Variants in ADCK1 observed in about 807,000 individuals in gnomAD.
ADCK1 encodes the protein aarF domain containing kinase 1, also known as aarF domain-containing protein kinase 1.
ADCK1 carries 41 observed loss-of-function variants against 52.3 expected under a neutral mutation model. The ratio of observed to expected loss-of-function variants is 0.78; its 90% confidence interval spans 0.61 to 1.02. The LOEUF (loss-of-function observed/expected upper bound fraction) is 1.02, where lower values mean the gene tolerates loss of function less well. Ranked by LOEUF, ADCK1 falls within the 50% of genes least tolerant of loss-of-function variation. The pLI is 0.00. For missense variants in ADCK1, 658 were observed against 679.5 expected (o/e 0.97, Z 0.35); for synonymous variants, 250 against 274.6 (o/e 0.91, Z 0.89).
At chr14:77,870,763 T>C (rs2082759643) in intron 4 of ADCK1, among the ~76,000 whole-genome samples, 1 of 152,224 alleles carries the variant, frequency 6.6e-6, no homozygotes, top group Non-Finnish European at 1.5e-5. Context: ...CCCTGGCAGT[T>C]GGCCCCATGC....
intron 2 of ADCK1, among the ~76,000 whole-genome samples, 159 bp from the exon 3 acceptor site, chr14:77,822,276 T>C (rs1374261528): frequency 2.0e-5 from 3 of 152,134 alleles, no homozygotes; most frequent in Non-Finnish European, 4.4e-5. Context: ...AGGAGGAAGC[T>C]AGCTAGAATA....
At chr14:77,847,760 G>A (rs930711607) in intron 3 of ADCK1, among the ~76,000 whole-genome samples, 3 of 152,222 alleles carry the variant, frequency 2.0e-5, no homozygotes, top group African/African-American at 7.2e-5. Context: ...GAGACCCCAT[G>A]CTTCTAGGGC....
At chr14:77,840,843 A>G (rs952325409) in intron 3 of ADCK1, among the ~76,000 whole-genome samples, 11 of 140,972 alleles carry the variant, frequency 7.8e-5, no homozygotes, top group Non-Finnish European at 1.1e-4. Context: ...GTGAGACTCA[A>G]TCTGAAAGAA....
At chr14:77,884,697 C>G (rs2083109306) in intron 4 of ADCK1, among the ~76,000 whole-genome samples, 1 of 152,220 alleles carries the variant, frequency 6.6e-6, no homozygotes. Context: ...TTTGTTGCTA[C>G]TATGTGACCC....
chr14:77,890,941 A>T (rs965584068), intron 5 of ADCK1, among the ~76,000 whole-genome samples: 2 of 152,210 alleles, frequency 1.3e-5, no homozygotes, highest in Admixed American at 6.5e-5. Context: ...AGTAATTGCT[A>T]GATCAAGTCC....
At chr14:77,861,814 A>G (rs1200229486) in intron 4 of ADCK1, among the ~76,000 whole-genome samples, 1 of 152,166 alleles carries the variant, frequency 6.6e-6, no homozygotes, top group Non-Finnish European at 1.5e-5. Context: ...CCTGTGGGGC[A>G]TTCCCAGCAT....
intron 7 of ADCK1, among the ~76,000 whole-genome samples, chr14:77,912,472 G>GTA: frequency 6.8e-6 from 1 of 146,270 alleles, no homozygotes; most frequent in Admixed American, 6.8e-5. Flanking sequence ...GTGTGTGTGT[G>GTA]TGTGTAATGA....
At chr14:77,843,693 C>T (rs761673225) in intron 3 of ADCK1, among the ~76,000 whole-genome samples, 4 of 152,164 alleles carry the variant, frequency 2.6e-5, no homozygotes, top group African/African-American at 7.2e-5. Flanking sequence ...GTCACATCAG[C>T]TCATTTGTTG....
chr14:77,805,635 C>G (rs991917465), intron 1 of ADCK1, among the ~76,000 whole-genome samples: 1 of 152,098 alleles, frequency 6.6e-6, no homozygotes, highest in African/African-American at 2.4e-5. Context: ...ACAGCAAGTG[C>G]AAAAGCTCTG....
intron 8 of ADCK1, 114 bp from the exon 9 acceptor site, chr14:77,925,650 G>A (rs568364043): frequency 8.8e-6 from 9 of 1,020,202 alleles, no homozygotes; most frequent in African/African-American, 4.8e-5. Flanking sequence ...AACAGATGTC[G>A]TGGGAAGGCA....
chr14:77,813,718 C>T (rs1445998292), intron 1 of ADCK1, among the ~76,000 whole-genome samples: 1 of 151,966 alleles, frequency 6.6e-6, no homozygotes, highest in Non-Finnish European at 1.5e-5. Flanking sequence ...GGAATATTCA[C>T]TGATGAAGTT....
At chr14:77,920,071 T>C (rs1203604380) in intron 7 of ADCK1, among the ~76,000 whole-genome samples, 1 of 152,212 alleles carries the variant, frequency 6.6e-6, no homozygotes, top group Non-Finnish European at 1.5e-5. Context: ...CCCTGCTGAT[T>C]ATTTCTTTTG....
intron 3 of ADCK1, among the ~76,000 whole-genome samples, chr14:77,842,856 AT>A (rs1388418598): frequency 7.2e-6 from 1 of 138,248 alleles, no homozygotes; most frequent in Non-Finnish European, 1.6e-5. Flanking sequence ...GGTCGAGGGT[AT>A]TTTTTCTTTT....
rs1314561007 is a variant in ADCK1, at chr14:77,894,627, G to A, written c.583-4473G>A. On this transcript the variant is annotated intron_variant, in intron 5 of 10. Coordinates refer to ENST00000238561, the MANE Select transcript of ADCK1 (RefSeq NM_020421.4). ...ATGAAAGTGTATGTGTAAAGTGTTCGTAGCACAGTGCCTGGCATGTAGTAG... is the reference window on the plus strand; with the variant it reads ...ATGAAAGTGTATGTGTAAAGTGTTCATAGCACAGTGCCTGGCATGTAGTAG... 4.0e-5 allele frequency among the ~76,000 whole-genome samples: 6 copies of A among 151,838 alleles called. No homozygotes were observed. The South Asian group carries it at 6.2e-4, about 16-fold the overall frequency.
At chr14:77,907,940 C>T (rs1479531474) in intron 7 of ADCK1, 21 bp downstream of exon 7, 3 of 1,606,946 alleles carry the variant, frequency 1.9e-6, no homozygotes, top group Non-Finnish European at 2.6e-6. Context: ...GAGCTCAGGG[C>T]TGCTGTGCCG....
chr14:77,925,741 C>T (rs1595099487), intron 8 of ADCK1, 23 bp from the exon 9 acceptor site: 1 of 1,612,770 alleles, frequency 6.2e-7, no homozygotes, highest in African/African-American at 1.3e-5. Context: ...GCTTAGGTCC[C>T]ACCGCTGCCG....
intron 3 of ADCK1, among the ~76,000 whole-genome samples, chr14:77,839,528 C>T (rs2082023311): frequency 6.6e-6 from 1 of 152,108 alleles, no homozygotes; most frequent in Non-Finnish European, 1.5e-5. Context: ...TGTGTGACCC[C>T]AACCCTCCCC....
chr14:77,810,406 C>T (rs771119206), intron 1 of ADCK1, among the ~76,000 whole-genome samples: 7 of 151,860 alleles, frequency 4.6e-5, no homozygotes, highest in South Asian at 2.1e-4. Flanking sequence ...TGAGCCACCA[C>T]GCCTGGCCAG....
intron 4 of ADCK1, among the ~76,000 whole-genome samples, chr14:77,868,619 G>T (rs1359976931): frequency 6.6e-6 from 1 of 152,144 alleles, no homozygotes; most frequent in African/African-American, 2.4e-5. Flanking sequence ...CCTCCCCTTT[G>T]TTGGGATCTA....
Sources: gnomAD v4.1 joint callset for allele counts (sites outside exome capture counted in the v4.1 genomes callset) on GRCh38, gnomAD v4.1.1 for gene constraint, MANE v1.5 for transcripts, NCBI Gene and HGNC (gene_info 2026-07-23, HGNC 2026-07-21) for gene names.